Variants in NEFH observed in about 807,000 individuals in gnomAD.
The protein encoded by NEFH is neurofilament heavy polypeptide.
In NEFH, 58 loss-of-function variants were observed where a neutral mutation model predicts 56.6. The ratio of observed to expected loss-of-function variants is 1.03; its 90% confidence interval spans 0.83 to 1.28. The LOEUF is 1.28. NEFH is among the 50% of genes most tolerant of loss of function. The pLI is 0.00. For missense variants in NEFH, 1,221 were observed against 1,307.6 expected, an observed-to-expected ratio of 0.93 and a Z score of 1.02; for synonymous variants, 542 against 545.8, an observed-to-expected ratio of 0.99 and a Z score of 0.10.
At chr22:29,485,974 G>A (rs937910485) in intron 3 of NEFH, 127 bp downstream of exon 3, 40 of 936,156 alleles carry the variant, frequency 4.3e-5, no homozygotes, top group Middle Eastern at 2.5e-4. Flanking sequence ...TTTAAATTGC[G>A]GCAAAATAGA....
rs763334382 is a variant in NEFH at position 29,490,740 on chromosome 22, A to T, written c.*37A>T. On this transcript the variant is annotated 3_prime_UTR_variant, in exon 4 of 4. Coordinates refer to ENST00000310624, the MANE Select transcript of NEFH (RefSeq NM_021076.4). ...AGGAACATCCGGAACAGCCAAAGAA[A>T]CTCAGAAGAGTCCCGGAGCTCAAGG... 5.6e-6 allele frequency: 9 copies of T among 1,613,260 alleles called. No individual in the cohort carries two copies. In the Admixed American group the frequency reaches 1.5e-4, roughly 27 times the overall value.
In NEFH at chr22:29,480,725, G is replaced by C. The variant is rs2063000079; in HGVS notation, c.463G>C (p.Gly155Arg). 2.0e-6 allele frequency: 3 copies of C among 1,499,950 alleles called. No homozygotes were observed. Among genetic ancestry groups the C allele is most frequent in the South Asian group, 1.3e-5 (1 of 78,826 alleles). 92.9% of individuals were successfully genotyped at this position (1,499,950 alleles called of 1,614,324 possible). The change falls in exon 1 of 4, where the codon GGC (glycine) becomes CGC (arginine). Residue 155 changes from glycine to arginine, a missense_variant. This residue lies in a region of NEFH where 640 missense variants were observed against 555.5 expected (regional missense o/e 1.15). Transcript: ENST00000310624. ...LYEREVREMRGAVLRLGAARG... is the reference protein window; with the variant it reads ...LYEREVREMRRAVLRLGAARG... ...CGAGCGCGAGGTCCGCGAGATGCGCGGCGCGGTGCTGCGCCTGGGCGCGGC... is the reference window on the plus strand; with the variant it reads ...CGAGCGCGAGGTCCGCGAGATGCGCCGCGCGGTGCTGCGCCTGGGCGCGGC...
At position 29,490,787 on chromosome 22, in the gene NEFH, C is replaced by T; in HGVS notation, c.*84C>T. Reference sequence around the variant, plus strand: ...AAGGATCAGAGTAACACAATTTTCACTTTTTCTGTCTTTATGTAAGAAGAA... The same window carrying T: ...AAGGATCAGAGTAACACAATTTTCATTTTTTCTGTCTTTATGTAAGAAGAA... On this transcript the variant is annotated 3_prime_UTR_variant, in exon 4 of 4. Transcript: ENST00000310624. 2 of 1,577,732 alleles carry T rather than the reference C, an allele frequency of 1.3e-6. No individual in the cohort carries two copies. The highest frequency in any genetic ancestry group is 1.7e-6 in the Non-Finnish European group (2 of 1,163,586).
chr22:29,490,600 G>GC lies in NEFH; in HGVS notation c.2961dup (p.Lys988GlnfsTer3). On this transcript the variant is annotated frameshift_variant, in exon 4 of 4. Transcript: ENST00000310624. LOFTEE classifies it high-confidence loss of function. Reference sequence around the variant, plus strand: ...GACAAGACCCTCTCAAAAGAGCCTAGCAAGCCTAAGGCAGAAAAGGCTGAA... The same window carrying GC: ...GACAAGACCCTCTCAAAAGAGCCTAGCCAAGCCTAAGGCAGAAAAGGCTGAA... 6.2e-7 allele frequency: 1 copy of GC among 1,614,080 alleles called. No individual in the cohort carries two copies. The highest frequency in any genetic ancestry group is 8.5e-7 in the Non-Finnish European group (1 of 1,180,012).
In NEFH at chr22:29,489,918, G is replaced by A; in HGVS notation, c.2278G>A (p.Asp760Asn). 1 of 1,613,998 alleles carries A rather than the reference G, an allele frequency of 6.2e-7. No homozygotes were observed. Among genetic ancestry groups the A allele is most frequent in the Non-Finnish European group, 8.5e-7 (1 of 1,180,016 alleles). The change falls in exon 4 of 4, where the codon GAT (aspartate) becomes AAT (asparagine). Residue 760 changes from aspartate (D) to asparagine (N), a missense_variant. Physicochemically the swap from Asp to Asn is conservative, Grantham distance 23 (BLOSUM62 1). Coordinates refer to ENST00000310624, the MANE Select transcript of NEFH (RefSeq NM_021076.4). ...GTCCCCAGAGAAGGCCAAGACTCTT[G>A]ATGTGAAGTCTCCAGAAGCCAAGAC... The part of the protein sequence containing the change: ...AKSPEKAKTL[D>N]VKSPEAKTPA...
intron 3 of NEFH, 40 bp from the exon 4 acceptor site, chr22:29,488,809 C>T (rs2146399032): frequency 6.2e-7 from 1 of 1,602,440 alleles, no homozygotes; most frequent in Non-Finnish European, 8.6e-7. Context: ...GTGAATTTGC[C>T]CTGAGTTTAT....
chr22:29,480,812 C>A lies in NEFH; in HGVS notation c.550C>A (p.Arg184Ser). The A allele has an allele frequency of 7.1e-7, 1 of 1,400,698 alleles. No homozygotes were observed. Among genetic ancestry groups the A allele is most frequent in the Admixed American group, 3.6e-5 (1 of 27,576 alleles). 86.8% of individuals were successfully genotyped at this position (1,400,698 alleles called of 1,614,324 possible). Residue 184 changes from arginine (R) to serine (S), a missense_variant, in exon 1 of 4, where the codon CGC becomes AGC. By Grantham distance (110) the Arg-to-Ser change is moderately radical (BLOSUM62 -1). This residue lies in a region of NEFH where 640 missense variants were observed against 555.5 expected (regional missense o/e 1.15). Transcript: ENST00000310624. ...CGAGGACATCGCGCACGTGCGCCAG[C>A]GCCTAGACGACGAGGCCCGGCAGCG... Reference protein sequence around the residue: ...LLEDIAHVRQRLDDEARQREE... With the variant: ...LLEDIAHVRQSLDDEARQREE...
chr22:29,490,788 T>C lies in NEFH; in HGVS notation c.*85T>C. On this transcript the variant is annotated 3_prime_UTR_variant, in exon 4 of 4. Transcript: ENST00000310624. ...AGGATCAGAGTAACACAATTTTCAC[T>C]TTTTCTGTCTTTATGTAAGAAGAAA... 1 of 1,577,782 alleles carries C rather than the reference T, an allele frequency of 6.3e-7. No individual in the cohort carries two copies. Among genetic ancestry groups the C allele is most frequent in the Non-Finnish European group, 8.6e-7 (1 of 1,163,596 alleles).
In NEFH at chr22:29,490,538, G is replaced by C. The variant is rs1181409653; in HGVS notation, c.2898G>C (p.Glu966Asp). Residue 966 changes from glutamate to aspartate, a missense_variant, in exon 4 of 4, where the codon GAG (glutamate) becomes GAC (aspartate). This residue lies in a region of NEFH where 301 missense variants were observed against 346.6 expected (regional missense o/e 0.87). Coordinates refer to ENST00000310624, the MANE Select transcript of NEFH (RefSeq NM_021076.4). The stretch of plus-strand genomic sequence containing the variant: ...AGGAGGAGAAGGCCAAGAAGCCTGA[G>C]GAGAAACCCAAGACAGAGGCCAAAG... ...DTKEEKAKKP[E>D]EKPKTEAKAK... 1.2e-6 allele frequency: 2 copies of C among 1,607,108 alleles called. No homozygotes were observed.
rs774015618 is a variant in NEFH at position 29,483,420 on chromosome 22, C to A, written c.929C>A (p.Ala310Asp). The A allele has an allele frequency of 1.9e-6, 3 of 1,613,926 alleles. No individual in the cohort carries two copies. Among genetic ancestry groups the A allele is most frequent in the Non-Finnish European group, 2.5e-6 (3 of 1,180,038 alleles). ...LSEAAKVNTD[A>D]MRSAQEEITE... The stretch of plus-strand genomic sequence containing the variant: ...GAGGCAGCCAAGGTGAACACAGACG[C>A]TATGCGCTCAGCGCAGGAGGAGATA... Residue 310 changes from alanine to aspartate, a missense_variant, in exon 2 of 4, where the codon GCT becomes GAT. By Grantham distance (126) the Ala-to-Asp change is moderately radical. Coordinates refer to ENST00000310624, the MANE Select transcript of NEFH (RefSeq NM_021076.4).
Position 29,483,412 on chromosome 22 carries a change from C to T in NEFH, c.921C>T (p.Asn307=). The change falls in exon 2 of 4, where the codon AAC becomes AAT. Residue 307 remains asparagine, a synonymous_variant. Transcript: ENST00000310624. ...GACTGTCGGAGGCAGCCAAGGTGAA[C>T]ACAGACGCTATGCGCTCAGCGCAGG... ...LDRLSEAAKV[N]TDAMRSAQEE... The T allele has an allele frequency of 6.2e-7, 1 of 1,613,862 alleles. No homozygotes were observed. The highest frequency in any genetic ancestry group is 8.5e-7 in the Non-Finnish European group (1 of 1,180,034).
In NEFH at chr22:29,480,729, C is replaced by T. The variant is rs1156555618; in HGVS notation, c.467C>T (p.Ala156Val). 2.0e-6 allele frequency: 3 copies of T among 1,472,982 alleles called. No homozygotes were observed. The highest frequency in any genetic ancestry group is 2.7e-6 in the Non-Finnish European group (3 of 1,123,002). The allele number at this position is 1,472,982 out of a possible 1,614,324, so 91.2% of individuals were successfully genotyped here. Residue 156 changes from alanine (A) to valine (V), a missense_variant, in exon 1 of 4, where the codon GCG becomes GTG. Coordinates refer to ENST00000310624, the MANE Select transcript of NEFH (RefSeq NM_021076.4). ...YEREVREMRG[A>V]VLRLGAARGQ... The stretch of plus-strand genomic sequence containing the variant: ...CGCGAGGTCCGCGAGATGCGCGGCG[C>T]GGTGCTGCGCCTGGGCGCGGCGCGC...
chr22:29,483,894 G>A (rs2063028695), intron 2 of NEFH, among the ~76,000 whole-genome samples: 1 of 150,956 alleles, frequency 6.6e-6, no homozygotes, highest in South Asian at 2.1e-4. Context: ...CTGTTGCCCA[G>A]GCTGGAGTGC....
At position 29,480,318 on chromosome 22, in the gene NEFH, A is replaced by G; in HGVS notation, c.56A>G (p.His19Arg). The G allele has an allele frequency of 1.3e-6, 2 of 1,508,116 alleles. No individual in the cohort carries two copies. Among genetic ancestry groups the G allele is most frequent in the Non-Finnish European group, 1.8e-6 (2 of 1,138,292 alleles). The allele number at this position is 1,508,116 out of a possible 1,614,324, so 93.4% of individuals were successfully genotyped here. A position where few individuals can be genotyped will look rare whatever the true frequency, so the allele number is the denominator to read the frequency against. Residue 19 changes from histidine (H) to arginine (R), a missense_variant, in exon 1 of 4, where the codon CAT becomes CGT. His to Arg is a conservative substitution (Grantham distance 29). Transcript: ENST00000310624. ...ALLGAPFAPL[H>R]GGGSLHYALA... ...CTGGGCGCCCCGTTCGCGCCGCTGC[A>G]TGGCGGCGGCAGCCTCCACTACGCG...
chr22:29,488,084 C>T lies in NEFH; in HGVS notation c.1209-765C>T, dbSNP rs141161567. Reference sequence around the variant, plus strand: ...AAATTTATAAAAGTAGAATTGTGGTCGGGTGCGGTGGCTCACACCTGTAAT... The same window carrying T: ...AAATTTATAAAAGTAGAATTGTGGTTGGGTGCGGTGGCTCACACCTGTAAT... On this transcript the variant is annotated intron_variant, in intron 3 of 3. Coordinates refer to ENST00000310624, the MANE Select transcript of NEFH (RefSeq NM_021076.4). Among the ~76,000 whole-genome samples the T allele has an allele frequency of 5.5e-3, 841 of 152,170 alleles. 7 individuals are homozygous for T. The highest frequency in any genetic ancestry group is 9.6e-3 in the Non-Finnish European group (652 of 67,998).
intron 1 of NEFH, among the ~76,000 whole-genome samples, chr22:29,483,007 G>A (rs986511029): frequency 1.3e-5 from 2 of 152,140 alleles, no homozygotes; most frequent in African/African-American, 2.4e-5. Flanking sequence ...TAGGCCGGGC[G>A]TGGTGGCTCA....
intron 1 of NEFH, 40 bp from the exon 2 acceptor site, chr22:29,483,335 A>G (rs907075912): frequency 1.3e-6 from 2 of 1,584,714 alleles, no homozygotes; most frequent in Admixed American, 3.3e-5. Context: ...AACCCAGTCC[A>G]GGTGTGTCTA....
chr22:29,486,624 G>A (rs1033402258), intron 3 of NEFH, among the ~76,000 whole-genome samples: 1 of 148,928 alleles, frequency 6.7e-6, no homozygotes, highest in African/African-American at 2.5e-5. Context: ...CTGAGTTCAA[G>A]TGATTCTCCT....
chr22:29,482,463 C>G (rs759563670), intron 1 of NEFH, among the ~76,000 whole-genome samples: 7 of 152,166 alleles, frequency 4.6e-5, no homozygotes, highest in Non-Finnish European at 7.4e-5. Flanking sequence ...TGGCGGGGGC[C>G]GGGGTGTGGC....
Sources: allele counts gnomAD v4.1 joint callset (sites outside exome capture counted in the v4.1 genomes callset), GRCh38; gene constraint gnomAD v4.1.1; regional missense constraint gnomAD v4.1.1; transcripts MANE v1.5; gene names NCBI Gene and HGNC (gene_info 2026-07-23, HGNC 2026-07-21).